CLDN18: variants seen among roughly 807,000 people sequenced by gnomAD.
The protein encoded by CLDN18 is claudin 18, also known as claudin-18.
CLDN18 carries 20 observed loss-of-function variants against 25.0 expected under a neutral mutation model. The ratio of observed to expected loss-of-function variants is 0.80; its 90% CI spans 0.56 to 1.16. The LOEUF (loss-of-function observed/expected upper bound fraction) is 1.16. Among genes scored for constraint, CLDN18 ranks in the 50% most tolerant of loss-of-function variants. CLDN18 has a pLI of 0.00. For synonymous variants in CLDN18, 125 were observed against 135.6 expected, an observed-to-expected ratio of 0.92 and a Z score of 0.54; for missense variants, 297 against 345.4, an observed-to-expected ratio of 0.86 and a Z score of 1.11.
upstream of CLDN18, among the ~76,000 whole-genome samples, chr3:138,007,608 C>T (rs1942083615): frequency 2.6e-5 from 4 of 152,064 alleles, no homozygotes; most frequent in Admixed American, 2.6e-4. Context: ...ACCACCATGG[C>T]ACATGTATAC....
intron 3 of CLDN18, among the ~76,000 whole-genome samples, chr3:138,029,565 A>G (rs1289650609): frequency 6.6e-6 from 1 of 152,176 alleles, no homozygotes; most frequent in Non-Finnish European, 1.5e-5. Flanking sequence ...TTTATGGTTG[A>G]GTGATGCTAG....
chr3:138,012,458 G>A (rs1490648209), intron 1 of CLDN18, among the ~76,000 whole-genome samples: 2 of 151,938 alleles, frequency 1.3e-5, no homozygotes, highest in African/African-American at 2.4e-5. Flanking sequence ...ACCTTCCTTG[G>A]CAGTCTCTTA....
In CLDN18 at chr3:138,032,923, C is replaced by T. The variant is rs1942414617; in HGVS notation, c.*1782C>T. The T allele has an allele frequency of 6.6e-6, 1 of 152,278 alleles. No homozygotes were observed. Among genetic ancestry groups the T allele is most frequent in the Admixed American group, 6.5e-5 (1 of 15,278 alleles). 9.4% of individuals were successfully genotyped at this position (152,278 alleles called of 1,614,324 possible). On this transcript the variant is annotated 3_prime_UTR_variant, in exon 5 of 5. Coordinates refer to ENST00000183605, the MANE Select transcript of CLDN18 (RefSeq NM_016369.4). ...TCCTTCCAAGACAGTAGAATTCCAT[C>T]CCAGTACCAAAGCCAGATAGGCCCC... is the stretch of plus-strand genomic sequence containing the variant.
chr3:138,019,220 T>G (rs1030819667), intron 1 of CLDN18, among the ~76,000 whole-genome samples: 1 of 152,212 alleles, frequency 6.6e-6, no homozygotes, highest in African/African-American at 2.4e-5. Flanking sequence ...ATGACTTACC[T>G]AATAACACTC....
Position 138,010,248 on chromosome 3 carries a change from T to G in CLDN18, c.23T>G (p.Val8Gly), listed in dbSNP as rs764171839. 6.2e-7 allele frequency: 1 copy of G among 1,613,642 alleles called. No individual in the cohort carries two copies. MSTTTCQ[V>G]VAFLLSILGL... ...ATCATGTCCACCACCACATGCCAAGTGGTGGCGTTCCTCCTGTCCATCCTG... is the reference window on the plus strand; with the variant it reads ...ATCATGTCCACCACCACATGCCAAGGGGTGGCGTTCCTCCTGTCCATCCTG... The change falls in exon 1 of 5, where the codon GTG (valine) becomes GGG (glycine). Residue 8 changes from valine (V) to glycine (G), a missense_variant. Val to Gly is a moderately radical substitution (Grantham distance 109). Coordinates refer to ENST00000183605, the MANE Select transcript of CLDN18 (RefSeq NM_016369.4).
At chr3:138,009,621 G>A (rs918654425), upstream of CLDN18, among the ~76,000 whole-genome samples, 1 of 152,182 alleles carries the variant, frequency 6.6e-6, no homozygotes, top group Admixed American at 6.5e-5. Context: ...TCCAGGCACT[G>A]GGACAAGTCC....
At position 138,024,540 on chromosome 3, in the gene CLDN18, A is replaced by G. The variant is rs2107887632; in HGVS notation, c.386-67A>G. On this transcript the variant is annotated intron_variant, in intron 2 of 4. Transcript: ENST00000183605. ...TACTCATCTAAACTCATCTAGGCAT[A>G]AACTGCCTCAGAAACATTGTAATCC... The G allele has an allele frequency of 3.2e-6, 3 of 937,650 alleles. No individual in the cohort carries two copies. The Middle Eastern group carries it at 6.3e-4, about 198-fold the overall frequency. The allele number at this position is 937,650 out of a possible 1,614,324, so 58.1% of individuals were successfully genotyped here.
intron 1 of CLDN18, among the ~76,000 whole-genome samples, chr3:138,000,682 G>A (rs1466325580): frequency 1.3e-5 from 2 of 152,204 alleles, no homozygotes; most frequent in African/African-American, 4.8e-5. Flanking sequence ...TATAAACAGC[G>A]GAACGTGAGC....
Position 138,010,448 on chromosome 3 carries a change from A to G in CLDN18, c.220+3A>G. ...TTTCACCATCCTGGGACTTCCAGGTAGGCACCGTGCACCCCGGGGTAGAGC... is the reference window on the plus strand; with the variant it reads ...TTTCACCATCCTGGGACTTCCAGGTGGGCACCGTGCACCCCGGGGTAGAGC... On this transcript the variant is annotated splice_donor_region_variant and intron_variant, in intron 1 of 4. Transcript: ENST00000183605. The G allele has an allele frequency of 6.2e-7, 1 of 1,614,178 alleles. No individual in the cohort carries two copies.
At chr3:138,023,488 C>T (rs1942291999) in intron 1 of CLDN18, among the ~76,000 whole-genome samples, 170 bp from the exon 2 acceptor site, 1 of 152,228 alleles carries the variant, frequency 6.6e-6, no homozygotes, top group African/African-American at 2.4e-5. Flanking sequence ...GTATTTCCCA[C>T]AATTCCACAT....
upstream of CLDN18, among the ~76,000 whole-genome samples, chr3:138,006,395 A>G (rs1942070025): frequency 6.6e-6 from 1 of 152,204 alleles, no homozygotes; most frequent in Non-Finnish European, 1.5e-5. Flanking sequence ...AAATAATATA[A>G]GCTCTTGGAA....
In CLDN18 at chr3:138,032,778, T is replaced by G. The variant is rs1942412445; in HGVS notation, c.*1637T>G. The G allele has an allele frequency of 6.6e-6, 1 of 152,232 alleles. No individual in the cohort carries two copies. The highest frequency in any genetic ancestry group is 1.5e-5 in the Non-Finnish European group (1 of 68,038). The allele number at this position is 152,232 out of a possible 1,614,324, so 9.4% of individuals were successfully genotyped here. On this transcript the variant is annotated 3_prime_UTR_variant, in exon 5 of 5. Coordinates refer to ENST00000183605, the MANE Select transcript of CLDN18 (RefSeq NM_016369.4). ...TTTTGTTACTCTGAGAGCTGTTCACTTCTCTGAATTCACCTAGAGTGGTTG... is the reference window on the plus strand; with the variant it reads ...TTTTGTTACTCTGAGAGCTGTTCACGTCTCTGAATTCACCTAGAGTGGTTG...
chr3:138,001,648 C>T (rs959560812), intron 1 of CLDN18, among the ~76,000 whole-genome samples: 2 of 152,014 alleles, frequency 1.3e-5, no homozygotes, highest in Non-Finnish European at 2.9e-5. Context: ...TCTCTTAAAA[C>T]GTGTGTGCGC....
intron 1 of CLDN18, among the ~76,000 whole-genome samples, chr3:138,023,240 A>C (rs1209836914): frequency 1.3e-5 from 2 of 152,250 alleles, no homozygotes; most frequent in Non-Finnish European, 2.9e-5. Flanking sequence ...ACACAAGAGA[A>C]GAAAAATATT....
rs947907981 is a variant in CLDN18 at position 138,032,267 on chromosome 3, G to C, written c.*1126G>C. On this transcript the variant is annotated 3_prime_UTR_variant, in exon 5 of 5. Coordinates refer to ENST00000183605, the MANE Select transcript of CLDN18 (RefSeq NM_016369.4). ...AAGCCCTGTCTCTACAAAATACAGA[G>C]AGAAAAAATCAGCCAGTCATGGTGG... 4 of 151,794 alleles carry C rather than the reference G, an allele frequency of 2.6e-5. No individual in the cohort carries two copies. The highest frequency in any genetic ancestry group is 9.7e-5 in the African/African-American group (4 of 41,306). The allele number at this position is 151,794 out of a possible 1,614,324, so 9.4% of individuals were successfully genotyped here. A position where few individuals can be genotyped will look rare whatever the true frequency, so the allele number is the denominator to read the frequency against.
chr3:138,011,001 C>A (rs2107878936), intron 1 of CLDN18, among the ~76,000 whole-genome samples: 1 of 151,806 alleles, frequency 6.6e-6, no homozygotes, highest in South Asian at 2.1e-4. Flanking sequence ...TCCTAAAAAT[C>A]AATGTATATC....
chr3:138,022,235 T>C (rs1246695705), intron 1 of CLDN18, among the ~76,000 whole-genome samples: 3 of 152,130 alleles, frequency 2.0e-5, no homozygotes, highest in African/African-American at 7.2e-5. Flanking sequence ...AAGGGTCTCA[T>C]CTGCCCAGTT....
chr3:138,010,329 T>C lies in CLDN18; in HGVS notation c.104T>C (p.Leu35Pro). 6.2e-7 allele frequency: 1 copy of C among 1,614,196 alleles called. No homozygotes were observed. Among genetic ancestry groups the C allele is most frequent in the Non-Finnish European group, 8.5e-7 (1 of 1,180,022 alleles). ...TGMDMWSTQD[L>P]YDNPVTSVFQ... is the part of the protein sequence containing the mutation. ...ATGGACATGTGGAGCACCCAGGACC[T>C]GTACGACAACCCCGTCACCTCCGTG... Residue 35 changes from leucine (L) to proline (P), a missense_variant, in exon 1 of 5, where the codon CTG becomes CCG. Coordinates refer to ENST00000183605, the MANE Select transcript of CLDN18 (RefSeq NM_016369.4).
At chr3:138,010,981 T>A (rs1471349715) in intron 1 of CLDN18, among the ~76,000 whole-genome samples, 1 of 152,196 alleles carries the variant, frequency 6.6e-6, no homozygotes, top group Admixed American at 6.5e-5. Context: ...TAAGAATATC[T>A]TGTATACTGT....
Sources: allele counts gnomAD v4.1 joint callset (sites outside exome capture counted in the v4.1 genomes callset), GRCh38; gene constraint gnomAD v4.1.1; transcripts MANE v1.5; gene names NCBI Gene and HGNC (gene_info 2026-07-23, HGNC 2026-07-21).